The following BPIFB4 variants were observed in gnomAD, a reference collection of about 807,000 sequenced individuals.
BPIFB4 encodes BPI fold containing family B member 4.
BPIFB4 carries 62 observed loss-of-function variants against 69.2 expected under a neutral mutation model. The ratio of observed to expected loss-of-function variants is 0.90; its 90% confidence interval spans 0.73 to 1.11. BPIFB4 has a LOEUF of 1.11. Ranked by LOEUF, BPIFB4 falls within the 50% of genes least tolerant of loss-of-function variation. The pLI is 0.00. For missense variants in BPIFB4, 789 were observed against 792.0 expected, an observed-to-expected ratio of 1.00 and a Z score of 0.04; for synonymous variants, 330 against 332.7, an observed-to-expected ratio of 0.99 and a Z score of 0.09.
At chr20:33,100,888 G>A (rs1035495643) in intron 14 of BPIFB4, among the ~76,000 whole-genome samples, 8 of 146,742 alleles carry the variant, frequency 5.5e-5, no homozygotes, top group African/African-American at 1.0e-4. Context: ...AGGTACACAC[G>A]TGTAGTCCTA....
chr20:33,097,398 G>A (rs1275485344), intron 12 of BPIFB4, among the ~76,000 whole-genome samples: 1 of 152,110 alleles, frequency 6.6e-6, no homozygotes, highest in Non-Finnish European at 1.5e-5. Flanking sequence ...GAATTTTGCC[G>A]GCATGATCAC....
In BPIFB4 at chr20:33,083,751, C is replaced by T. The variant is rs368171708; in HGVS notation, c.554C>T (p.Ala185Val). 6.2e-7 allele frequency: 1 copy of T among 1,613,810 alleles called. No individual in the cohort carries two copies. The highest frequency in any genetic ancestry group is 8.5e-7 in the Non-Finnish European group (1 of 1,179,858). Reference protein sequence around the residue: ...GGMLAADGILAGQGGLLGGGG... With the variant: ...GGMLAADGILVGQGGLLGGGG... ...ATGCTGGCAGCTGATGGCATCCTCG[C>T]AGGCCAAGGTGGCCTGCTCGGCGGA... The change falls in exon 5 of 18, where the codon GCA (alanine) becomes GTA (valine). Residue 185 changes from alanine to valine, a missense_variant. This residue lies in a region of BPIFB4 where 611 missense variants were observed against 575.4 expected (regional missense o/e 1.06). Coordinates refer to ENST00000375483, the MANE Select transcript of BPIFB4 (RefSeq NM_182519.3).
chr20:33,110,714 C>A (rs942480486), intron 17 of BPIFB4, among the ~76,000 whole-genome samples: 14 of 149,800 alleles, frequency 9.3e-5, no homozygotes, highest in Admixed American at 2.0e-4. Context: ...TTTATTTATC[C>A]ATTTAATTAT....
At chr20:33,082,299 TCAGTTGCGATAATA>T (rs1230889882) in intron 3 of BPIFB4, among the ~76,000 whole-genome samples, 13 of 151,978 alleles carry the variant, frequency 8.6e-5, no homozygotes, top group South Asian at 4.1e-4. Flanking sequence ...TTCCCAAGAA[TCAGTTGCGATAATA>T]CATAAGAAAG....
At chr20:33,109,887 G>A (rs1982186953) in intron 17 of BPIFB4, among the ~76,000 whole-genome samples, 3 of 152,128 alleles carry the variant, frequency 2.0e-5, no homozygotes, top group South Asian at 4.2e-4. Context: ...CCTGTAAATG[G>A]CAGCTGCTAT....
At chr20:33,087,146 T>A (rs568131234) in intron 7 of BPIFB4, among the ~76,000 whole-genome samples, 4 of 152,244 alleles carry the variant, frequency 2.6e-5, no homozygotes, top group Middle Eastern at 3.4e-3. Context: ...CATGGAAACC[T>A]CACAGATTTT....
intron 2 of BPIFB4, 115 bp from the exon 3 acceptor site, chr20:33,081,397 C>T: frequency 2.1e-6 from 3 of 1,451,610 alleles, no homozygotes; most frequent in East Asian, 5.0e-5. Context: ...CTGGTTTCCC[C>T]TCTCTCTGGG....
In BPIFB4 at chr20:33,089,533, C is replaced by T. The variant is rs1454850724; in HGVS notation, c.1026C>T (p.Val342=). The change falls in exon 9 of 18, where the codon GTC becomes GTT. Residue 342 remains valine (V), a synonymous_variant. Coordinates refer to ENST00000375483, the MANE Select transcript of BPIFB4 (RefSeq NM_182519.3). ...TCGTGGATGTGGTGCTGGGTCTTGT[C>T]AATGACCAGCTGGGCCTCGTGGATT... ...CPIVDVVLGL[V]NDQLGLVDSL... is the part of the protein sequence containing the mutation. The T allele has an allele frequency of 2.8e-5, 46 of 1,614,250 alleles. No homozygotes were observed. The highest frequency in any genetic ancestry group is 3.9e-5 in the Non-Finnish European group (46 of 1,180,044).
At chr20:33,082,378 G>A (rs1434835925) in intron 3 of BPIFB4, among the ~76,000 whole-genome samples, 2 of 152,114 alleles carry the variant, frequency 1.3e-5, no homozygotes, top group Non-Finnish European at 2.9e-5. Flanking sequence ...TTGTTGCCCA[G>A]GCTGGAGTGC....
intron 14 of BPIFB4, among the ~76,000 whole-genome samples, chr20:33,101,501 T>C (rs1275089510): frequency 6.6e-6 from 1 of 152,256 alleles, no homozygotes; most frequent in Admixed American, 6.5e-5. Flanking sequence ...CATTGGATGC[T>C]TTCCGTGTGC....
Position 33,086,099 on chromosome 20 carries a change from T to C in BPIFB4, c.861T>C (p.Tyr287=), listed in dbSNP as rs1214495981. Residue 287 remains tyrosine, a synonymous_variant, in exon 7 of 18, where the codon TAT becomes TAC. Transcript: ENST00000375483. The part of the protein sequence containing the change: ...KVRLTMDRTG[Y]PRLVIERCDT... ...GGCTGACCATGGACCGCACGGGTTA[T>C]CCTCGGCTGGTCATTGAGCGATGTG... is the stretch of plus-strand genomic sequence containing the variant. 1 of 1,613,586 alleles carries C rather than the reference T, an allele frequency of 6.2e-7. No homozygotes were observed. The highest frequency in any genetic ancestry group is 8.5e-7 in the Non-Finnish European group (1 of 1,179,544).
At chr20:33,084,770 A>G in intron 5 of BPIFB4, 122 bp from the exon 6 acceptor site, 1 of 1,456,594 alleles carries the variant, frequency 6.9e-7, no homozygotes. Flanking sequence ...GCAGGTGTCT[A>G]GTGTCTTTAG....
At chr20:33,090,919 T>C in intron 10 of BPIFB4, 120 bp downstream of exon 10, 1 of 1,226,678 alleles carries the variant, frequency 8.2e-7, no homozygotes, top group Non-Finnish European at 1.1e-6. Context: ...CAGGACCCTC[T>C]CGATTAGAAG....
Position 33,083,406 on chromosome 20 carries a change from G to C in BPIFB4, c.209G>C (p.Gly70Ala). The C allele has an allele frequency of 6.2e-7, 1 of 1,613,230 alleles. No individual in the cohort carries two copies. The highest frequency in any genetic ancestry group is 8.5e-7 in the Non-Finnish European group (1 of 1,179,580). Reference sequence around the variant, plus strand: ...CCCTACAATGACTTCCATGTCCGAGGACCCCCCCCAGTATATACCAACGGC... The same window carrying C: ...CCCTACAATGACTTCCATGTCCGAGCACCCCCCCCAGTATATACCAACGGC... ...DIPYNDFHVR[G>A]PPPVYTNGKK... Residue 70 changes from glycine to alanine, a missense_variant, in exon 5 of 18, where the codon GGA becomes GCA. Coordinates refer to ENST00000375483, the MANE Select transcript of BPIFB4 (RefSeq NM_182519.3).
In BPIFB4 at chr20:33,111,613, C is replaced by T. The variant is rs1227405681; in HGVS notation, c.*176C>T. 4 of 718,348 alleles carry T rather than the reference C, an allele frequency of 5.6e-6. No individual in the cohort carries two copies. Among genetic ancestry groups the T allele is most frequent in the Non-Finnish European group, 9.1e-6 (4 of 438,126 alleles). The allele number at this position is 718,348 out of a possible 1,614,324, so 44.5% of individuals were successfully genotyped here. The stretch of plus-strand genomic sequence containing the variant: ...ACCCTGAGAAAGGGTCCAGCCACTA[C>T]CCTGTTGGCAAACATTCCCTTCCAT... On this transcript the variant is annotated 3_prime_UTR_variant, in exon 18 of 18. Transcript: ENST00000375483.
Position 33,097,777 on chromosome 20 carries a change from T to C in BPIFB4, c.1559T>C (p.Leu520Pro), listed in dbSNP as rs1347239721. Residue 520 changes from leucine (L) to proline (P), a missense_variant, in exon 13 of 18, where the codon CTC becomes CCC. By Grantham distance (98) the Leu-to-Pro change is moderately conservative. Transcript: ENST00000375483. ...AAAGACCTGGAGACTACCATCTGCC[T>C]CATTGACGTGGTGAGTGTCTGGAGG... The part of the protein sequence containing the change: ...QPKDLETTIC[L>P]IDVDTEFLAS... The C allele has an allele frequency of 6.2e-7, 1 of 1,612,740 alleles. No individual in the cohort carries two copies. Among genetic ancestry groups the C allele is most frequent in the Admixed American group, 1.7e-5 (1 of 59,718 alleles).
chr20:33,083,044 G>C (rs1395712757), intron 4 of BPIFB4, 44 bp downstream of exon 4: 1 of 1,564,886 alleles, frequency 6.4e-7, no homozygotes. Context: ...TGGGCGGTCT[G>C]CTTGGTGGAA....
chr20:33,092,785 C>A, intron 11 of BPIFB4, 127 bp downstream of exon 11: 1 of 853,328 alleles, frequency 1.2e-6, no homozygotes, highest in Non-Finnish European at 1.8e-6. Flanking sequence ...CCCCTTGACT[C>A]ACCTCCAGCT....
intron 7 of BPIFB4, among the ~76,000 whole-genome samples, chr20:33,087,227 G>T (rs539697410): frequency 6.6e-6 from 1 of 152,162 alleles, no homozygotes; most frequent in Non-Finnish European, 1.5e-5. Flanking sequence ...TAACAAAAAG[G>T]CACAGAGCAC....
Sources: allele counts gnomAD v4.1 joint callset (sites outside exome capture counted in the v4.1 genomes callset), GRCh38; gene constraint gnomAD v4.1.1; regional missense constraint gnomAD v4.1.1; transcripts MANE v1.5; gene names NCBI Gene and HGNC (gene_info 2026-07-23, HGNC 2026-07-21).